The following ZNF385D variants were observed in gnomAD, a reference collection of about 807,000 sequenced individuals.
The protein encoded by ZNF385D is zinc finger protein 385D.
In ZNF385D, 15 loss-of-function variants were observed where a neutral mutation model predicts 35.8. The observed-to-expected ratio is 0.42, with a 90% CI of 0.28 to 0.64. The LOEUF (loss-of-function observed/expected upper bound fraction) is 0.64. Ranked by LOEUF, ZNF385D falls within the 30% of genes least tolerant of loss-of-function variation. The pLI is 0.23. For missense variants in ZNF385D, 474 were observed against 494.6 expected, an observed-to-expected ratio of 0.96 and a Z score of 0.39; for synonymous variants, 212 against 186.8, an observed-to-expected ratio of 1.13 and a Z score of -1.10.
At chr3:21,552,162 G>T (rs75838282) in intron 3 of ZNF385D, among the ~76,000 whole-genome samples, 2 of 152,126 alleles carry the variant, frequency 1.3e-5, no homozygotes, top group Non-Finnish European at 2.9e-5. Flanking sequence ...AGATTTACCT[G>T]GAAACAACAA....
chr3:21,683,476 G>A (rs2066981127), intron 1 of ZNF385D, among the ~76,000 whole-genome samples: 1 of 149,496 alleles, frequency 6.7e-6, no homozygotes, highest in African/African-American at 2.5e-5. Flanking sequence ...AAATTAGCTG[G>A]TCACGGTGTT....
At chr3:21,897,698 T>C (rs1486962643) in intron 3 of ZNF385D, among the ~76,000 whole-genome samples, 1 of 152,116 alleles carries the variant, frequency 6.6e-6, no homozygotes, top group Non-Finnish European at 1.5e-5. Context: ...AGAAGGCATC[T>C]TGCTTCTCCT....
At chr3:21,986,004 G>A (rs1165417730) in intron 3 of ZNF385D, among the ~76,000 whole-genome samples, 1 of 109,068 alleles carries the variant, frequency 9.2e-6, no homozygotes, top group African/African-American at 5.1e-5. Context: ...CTGTGGGATT[G>A]GTGGTGATAT....
intron 4 of ZNF385D, among the ~76,000 whole-genome samples, chr3:21,471,846 T>C (rs534639685): frequency 1.3e-5 from 2 of 152,236 alleles, no homozygotes. Flanking sequence ...AAATCAATTA[T>C]TATTTGCTGG....
intron 3 of ZNF385D, among the ~76,000 whole-genome samples, chr3:22,144,048 G>C (rs1353901508): frequency 2.6e-5 from 4 of 152,160 alleles, no homozygotes; most frequent in African/African-American, 7.2e-5. Context: ...ACTGAAGAGT[G>C]AAATGTTGCT....
chr3:22,059,698 G>C (rs1699594836), intron 3 of ZNF385D, among the ~76,000 whole-genome samples: 2 of 152,190 alleles, frequency 1.3e-5, no homozygotes, highest in Admixed American at 6.5e-5. Flanking sequence ...AAGTTTCAAA[G>C]AGCAGAGATT....
intron 3 of ZNF385D, among the ~76,000 whole-genome samples, chr3:21,905,463 C>T (rs1215044508): frequency 6.7e-6 from 1 of 149,700 alleles, no homozygotes; most frequent in African/African-American, 2.5e-5. Context: ...AATTTCTAAC[C>T]AAGGCACACT....
At chr3:22,275,042 T>C (rs1400290335) in intron 2 of ZNF385D, among the ~76,000 whole-genome samples, 1 of 152,106 alleles carries the variant, frequency 6.6e-6, no homozygotes, top group East Asian at 1.9e-4. Flanking sequence ...TTGCTTATTA[T>C]CATTCTACTG....
chr3:22,367,545 G>A (rs1696710743), intron 2 of ZNF385D, among the ~76,000 whole-genome samples: 1 of 151,972 alleles, frequency 6.6e-6, no homozygotes. Context: ...AGGAAACTGA[G>A]ACACCTAACT....
At chr3:21,854,308 T>C (rs1312096562) in intron 3 of ZNF385D, among the ~76,000 whole-genome samples, 1 of 151,986 alleles carries the variant, frequency 6.6e-6, no homozygotes, top group Admixed American at 6.6e-5. Flanking sequence ...CCTCCACTTA[T>C]TTACATCCTA....
intron 2 of ZNF385D, among the ~76,000 whole-genome samples, chr3:22,253,141 A>G (rs1465922019): frequency 1.3e-5 from 2 of 151,994 alleles, no homozygotes; most frequent in Non-Finnish European, 2.9e-5. Context: ...TGTGGTGACA[A>G]TAACTGAGAT....
rs766867195 is a variant in ZNF385D, at chr3:21,564,529, A to C, written c.276+45T>G. The C allele has an allele frequency of 4.9e-6, 6 of 1,236,706 alleles. No individual in the cohort carries two copies. In the African/African-American group the frequency reaches 4.9e-5, roughly 10 times the overall value. 76.6% of individuals were successfully genotyped at this position (1,236,706 alleles called of 1,614,324 possible). On this transcript the variant is annotated intron_variant, in intron 3 of 7. Transcript: ENST00000281523. ...TTTCTCCTGCAAGATTAGAACAGCAAAATGTATTTTTTTTTTTTAAGTGAA... is the reference window on the plus strand; with the variant it reads ...TTTCTCCTGCAAGATTAGAACAGCACAATGTATTTTTTTTTTTTAAGTGAA...
chr3:22,205,328 G>T (rs1284534160), intron 2 of ZNF385D, among the ~76,000 whole-genome samples: 3 of 151,748 alleles, frequency 2.0e-5, no homozygotes, highest in African/African-American at 7.3e-5. Flanking sequence ...AAAGCTGAGG[G>T]ATTTCATCAA....
intron 2 of ZNF385D, among the ~76,000 whole-genome samples, chr3:22,306,812 A>G (rs1044375124): frequency 2.6e-5 from 4 of 152,066 alleles, no homozygotes; most frequent in African/African-American, 9.7e-5. Context: ...TACAAAGGAG[A>G]GGTTTAGATA....
intron 2 of ZNF385D, among the ~76,000 whole-genome samples, chr3:22,351,221 A>G (rs11923030): frequency 0.092 from 13,989 of 152,182 alleles, 1,132 homozygotes; most frequent in African/African-American, 0.22. Flanking sequence ...CCATAAAGAC[A>G]GTAATTTTAG....
intron 2 of ZNF385D, among the ~76,000 whole-genome samples, chr3:21,636,674 G>A (rs1424203748): frequency 6.6e-6 from 1 of 151,482 alleles, no homozygotes; most frequent in Non-Finnish European, 1.5e-5. Context: ...CCAGATTAAG[G>A]GTGGATCTGC....
chr3:21,980,635 G>A (rs1035816930), intron 3 of ZNF385D, among the ~76,000 whole-genome samples: 2 of 152,004 alleles, frequency 1.3e-5, no homozygotes, highest in Admixed American at 1.3e-4. Flanking sequence ...ATGTCCCAGG[G>A]GTTTGTTGTA....
chr3:21,543,343 T>C (rs942546452), intron 3 of ZNF385D, among the ~76,000 whole-genome samples: 5 of 152,146 alleles, frequency 3.3e-5, no homozygotes, highest in African/African-American at 1.2e-4. Flanking sequence ...TTTCTAAGAC[T>C]TTTCATCCTG....
chr3:22,236,293 G>C (rs2125306065), intron 2 of ZNF385D, among the ~76,000 whole-genome samples: 1 of 152,092 alleles, frequency 6.6e-6, no homozygotes, highest in East Asian at 1.9e-4. Context: ...TCAAGTTATT[G>C]ATGATAATTA....
Sources: allele counts gnomAD v4.1 joint callset (sites outside exome capture counted in the v4.1 genomes callset), GRCh38; gene constraint gnomAD v4.1.1; transcripts MANE v1.5; gene names NCBI Gene and HGNC (gene_info 2026-07-23, HGNC 2026-07-21).